The following CHRM2 variants were observed in gnomAD, a reference collection of about 807,000 sequenced individuals.
The protein encoded by CHRM2 is muscarinic acetylcholine receptor M2.
A neutral mutation model predicts 25.0 loss-of-function variants in CHRM2; 8 were observed. The observed-to-expected ratio is 0.32, with a 90% CI of 0.19 to 0.58. The LOEUF (loss-of-function observed/expected upper bound fraction) is 0.58, where lower values mean the gene tolerates loss of function less well. Among genes scored for constraint, CHRM2 ranks in the 20% least tolerant of loss-of-function variants. The pLI, the probability that CHRM2 is intolerant of heterozygous loss-of-function variation, is 0.88. For synonymous variants in CHRM2, 202 were observed against 205.7 expected (o/e 0.98, Z 0.15); for missense variants, 440 against 567.1 (o/e 0.78, Z 2.28).
chr7:136,990,303 C>T (rs957846212), intron 2 of CHRM2, among the ~76,000 whole-genome samples: 2 of 152,066 alleles, frequency 1.3e-5, no homozygotes, highest in Non-Finnish European at 2.9e-5. Context: ...TATATAATGA[C>T]ATGTACCCAT....
Position 137,018,320 on chromosome 7 carries a change from C to T in CHRM2, c.*2054C>T, listed in dbSNP as rs371054680. The T allele has an allele frequency of 2.0e-5, 3 of 152,004 alleles. No individual in the cohort carries two copies. Among genetic ancestry groups the T allele is most frequent in the Admixed American group, 6.6e-5 (1 of 15,224 alleles). 9.4% of individuals were successfully genotyped at this position (152,004 alleles called of 1,614,324 possible). On this transcript the variant is annotated 3_prime_UTR_variant, in exon 4 of 4. Transcript: ENST00000680005. ...TTAAATAACTTCAGTCATTACCCCC[C>T]CAAAGTAATCTTCCATATTTAAAGC...
At chr7:136,996,123 T>C (rs537072052) in intron 3 of CHRM2, among the ~76,000 whole-genome samples, 1 of 152,020 alleles carries the variant, frequency 6.6e-6, no homozygotes, top group African/African-American at 2.4e-5. Flanking sequence ...AATTATTTTT[T>C]AAAATTGATA....
At chr7:136,924,329 A>G (rs578181842) in intron 2 of CHRM2, among the ~76,000 whole-genome samples, 2 of 151,584 alleles carry the variant, frequency 1.3e-5, no homozygotes, top group African/African-American at 2.4e-5. Context: ...GTCATTTAAC[A>G]TTAGGTATAT....
intron 2 of CHRM2, among the ~76,000 whole-genome samples, chr7:136,910,265 CCTA>C (rs1364814888): frequency 4.0e-5 from 6 of 151,844 alleles, no homozygotes; most frequent in Admixed American, 6.6e-5. Context: ...ATATTAATTA[CCTA>C]CTATTTGATT....
At chr7:136,885,922 G>A (rs979248397) in intron 2 of CHRM2, among the ~76,000 whole-genome samples, 9 of 152,084 alleles carry the variant, frequency 5.9e-5, no homozygotes, top group Non-Finnish European at 7.4e-5. Context: ...TCAGAGTCCC[G>A]TACGTTATTC....
intron 2 of CHRM2, among the ~76,000 whole-genome samples, chr7:136,882,384 T>C (rs1796300258): frequency 6.6e-6 from 1 of 151,298 alleles, no homozygotes; most frequent in Non-Finnish European, 1.5e-5. Flanking sequence ...CCCTTTCTTC[T>C]CCCCTTTCTC....
At chr7:136,916,183 G>A (rs997095331) in intron 2 of CHRM2, among the ~76,000 whole-genome samples, 1 of 143,522 alleles carries the variant, frequency 7.0e-6, no homozygotes, top group Non-Finnish European at 1.6e-5. Context: ...TTATTATTGG[G>A]AGTGATATAA....
At chr7:136,873,839 T>C (rs538875587) in intron 2 of CHRM2, among the ~76,000 whole-genome samples, 1 of 152,248 alleles carries the variant, frequency 6.6e-6, no homozygotes, top group South Asian at 2.1e-4. Flanking sequence ...GAGGCAGTGC[T>C]GAGTAGGCTC....
Position 137,001,409 on chromosome 7 carries a change from C to A in CHRM2, c.-47+9145C>A, listed in dbSNP as rs186111052. Among the ~76,000 whole-genome samples the A allele has an allele frequency of 1.9e-3, 282 of 152,306 alleles. 2 individuals carry two copies. Among genetic ancestry groups the A allele is most frequent in the African/African-American group, 6.5e-3 (269 of 41,568 alleles). The stretch of plus-strand genomic sequence containing the variant: ...CAACCAAACAAGGAAGAGCCAGAGG[C>A]AAGCTGTTCATAAGTTACATTCCTA... On this transcript the variant is annotated intron_variant, in intron 3 of 3. Coordinates refer to ENST00000680005, the MANE Select transcript of CHRM2 (RefSeq NM_001006630.2).
chr7:136,951,847 T>G (rs1268766209), intron 2 of CHRM2, among the ~76,000 whole-genome samples: 1 of 152,186 alleles, frequency 6.6e-6, no homozygotes, highest in African/African-American at 2.4e-5. Flanking sequence ...ACATGCATTC[T>G]TTGCCTTTCC....
chr7:136,988,742 A>T (rs1219027045), intron 2 of CHRM2, among the ~76,000 whole-genome samples: 1 of 152,170 alleles, frequency 6.6e-6, no homozygotes, highest in African/African-American at 2.4e-5. Flanking sequence ...TAAAGCACCA[A>T]GTGCATCTAG....
intron 2 of CHRM2, among the ~76,000 whole-genome samples, chr7:136,880,432 C>T (rs939245968): frequency 1.3e-5 from 2 of 151,944 alleles, no homozygotes; most frequent in African/African-American, 4.8e-5. Context: ...GTGACTTACT[C>T]ATTTCACTTG....
intron 2 of CHRM2, among the ~76,000 whole-genome samples, chr7:136,887,671 G>T (rs953724710): frequency 2.0e-5 from 3 of 152,124 alleles, no homozygotes; most frequent in African/African-American, 7.2e-5. Flanking sequence ...AAACCTCACT[G>T]ACCATGCCTC....
At chr7:136,915,122 G>A (rs1051948757) in intron 2 of CHRM2, among the ~76,000 whole-genome samples, 28 of 151,908 alleles carry the variant, frequency 1.8e-4, no homozygotes, top group African/African-American at 6.7e-4. Flanking sequence ...CATCATTCTG[G>A]TTAAGAAATG....
intron 3 of CHRM2, among the ~76,000 whole-genome samples, chr7:136,998,537 T>C (rs953121748): frequency 6.6e-6 from 1 of 152,164 alleles, no homozygotes; most frequent in Non-Finnish European, 1.5e-5. Flanking sequence ...AAGACTCTTT[T>C]AGAGATGAAA....
Position 137,018,967 on chromosome 7 carries a change from A to ACATTTT in CHRM2, c.*2702_*2707dup, listed in dbSNP as rs1461078628. On this transcript the variant is annotated 3_prime_UTR_variant, in exon 4 of 4. Coordinates refer to ENST00000680005, the MANE Select transcript of CHRM2 (RefSeq NM_001006630.2). ...AGGGGACACTTAGCAATGTGTAAAG[A>ACATTTT]CATTTTTGGTTGCCACACTGGGAGG... 1 of 151,940 alleles carries ACATTTT rather than the reference A, an allele frequency of 6.6e-6. No individual in the cohort carries two copies. The highest frequency in any genetic ancestry group is 1.5e-5 in the Non-Finnish European group (1 of 67,930). 9.4% of individuals were successfully genotyped at this position (151,940 alleles called of 1,614,324 possible).
intron 2 of CHRM2, among the ~76,000 whole-genome samples, chr7:136,940,356 A>G (rs1799696404): frequency 6.6e-6 from 1 of 152,226 alleles, no homozygotes; most frequent in Admixed American, 6.5e-5. Flanking sequence ...TTCTGTAGTG[A>G]TTAAAGACAT....
intron 3 of CHRM2, among the ~76,000 whole-genome samples, chr7:137,009,446 A>G (rs1054204730): frequency 1.3e-5 from 2 of 152,018 alleles, no homozygotes; most frequent in East Asian, 1.9e-4. Context: ...GCAGAACCCT[A>G]CTTACTGACT....
intron 2 of CHRM2, among the ~76,000 whole-genome samples, chr7:136,989,592 T>A (rs573806982): frequency 1.7e-3 from 261 of 152,192 alleles, no homozygotes; most frequent in Non-Finnish European, 2.7e-3. Flanking sequence ...GGAATATGTA[T>A]GTCATTATTG....
Sources: gnomAD v4.1 joint callset for allele counts (sites outside exome capture counted in the v4.1 genomes callset) on GRCh38, gnomAD v4.1.1 for gene constraint, MANE v1.5 for transcripts, NCBI Gene and HGNC (gene_info 2026-07-23, HGNC 2026-07-21) for gene names.